Variants in UMAD1 observed in about 807,000 individuals in gnomAD.
UMAD1 encodes UBAP1-MVB12-associated (UMA) domain containing 1.
A neutral mutation model predicts 6.1 loss-of-function variants in UMAD1; 8 were observed. The ratio of observed to expected loss-of-function variants is 1.30; its 90% CI spans 0.76 to 2.35. The LOEUF (loss-of-function observed/expected upper bound fraction) is 2.35, where lower values mean the gene tolerates loss of function less well. Among genes scored for constraint, UMAD1 ranks in the 30% most tolerant of loss-of-function variants. The probability of loss-of-function intolerance (pLI) is 0.00; values close to 1 mark genes in which losing one functional copy is unlikely to be tolerated. For synonymous variants in UMAD1, 56 were observed against 31.4 expected (o/e 1.78, Z -2.61); for missense variants, 130 against 78.4 (o/e 1.66, Z -2.49).
chr7:7,815,405 A>G (rs1783106939), intron 3 of UMAD1, among the ~76,000 whole-genome samples: 1 of 152,196 alleles, frequency 6.6e-6, no homozygotes, highest in Non-Finnish European at 1.5e-5. Context: ...GCCAGAGTAG[A>G]GTAGAATTGA....
intron 2 of UMAD1, among the ~76,000 whole-genome samples, chr7:7,724,418 C>T (rs1781102817): frequency 6.6e-6 from 1 of 152,142 alleles, no homozygotes; most frequent in South Asian, 2.1e-4. Flanking sequence ...TAGTAGCTGG[C>T]AGAACCCCCA....
Position 7,823,947 on chromosome 7 carries a change from A to G in UMAD1, c.156+22204A>G, listed in dbSNP as rs139745128. On this transcript the variant is annotated intron_variant, in intron 3 of 3. Transcript: ENST00000682710. The stretch of plus-strand genomic sequence containing the variant: ...TGCCTAGCAGTATAATCCCAGACAA[A>G]AACCTTTGAAAGAGTGAATTCATAG... Among the ~76,000 whole-genome samples, 941 of 152,250 alleles carry G rather than the reference A, an allele frequency of 6.2e-3. 13 individuals carry two copies. Among genetic ancestry groups the G allele is most frequent in the African/African-American group, 0.022 (895 of 41,554 alleles).
intron 3 of UMAD1, among the ~76,000 whole-genome samples, chr7:7,865,956 C>G (rs2115336542): frequency 6.6e-6 from 1 of 152,304 alleles, no homozygotes; most frequent in Admixed American, 6.5e-5. Context: ...ATTTGTAAAG[C>G]TGTTCATTTG....
intron 2 of UMAD1, among the ~76,000 whole-genome samples, chr7:7,784,817 A>T (rs961242438): frequency 3.3e-5 from 4 of 122,458 alleles, no homozygotes; most frequent in Non-Finnish European, 6.2e-5. Flanking sequence ...GCTGGAGTGC[A>T]GTGGCGCGAT....
chr7:7,673,697 T>G (rs1187962128), intron 2 of UMAD1, among the ~76,000 whole-genome samples: 1 of 110,554 alleles, frequency 9.0e-6, no homozygotes, highest in African/African-American at 3.3e-5. Context: ...GTAAAATCAC[T>G]TCTTTTTCCC....
At chr7:7,816,682 C>T in intron 3 of UMAD1, among the ~76,000 whole-genome samples, 1 of 152,160 alleles carries the variant, frequency 6.6e-6, no homozygotes, top group Non-Finnish European at 1.5e-5. Flanking sequence ...AAGTCAGAAG[C>T]CTGGGAATTA....
intron 2 of UMAD1, among the ~76,000 whole-genome samples, chr7:7,746,836 G>C (rs1180064732): frequency 1.3e-5 from 2 of 152,076 alleles, no homozygotes; most frequent in African/African-American, 4.8e-5. Flanking sequence ...CTTATTATTG[G>C]CTTTGACACA....
At chr7:7,746,923 A>G (rs1563174232) in intron 2 of UMAD1, among the ~76,000 whole-genome samples, 1 of 151,870 alleles carries the variant, frequency 6.6e-6, no homozygotes, top group Non-Finnish European at 1.5e-5. Flanking sequence ...TTTTAAAAAA[A>G]TGTTTATATT....
intron 3 of UMAD1, among the ~76,000 whole-genome samples, chr7:7,861,720 C>G (rs944721886): frequency 6.6e-6 from 1 of 152,152 alleles, no homozygotes; most frequent in Non-Finnish European, 1.5e-5. Context: ...ATATCAAATT[C>G]AAATTACACA....
intron 3 of UMAD1, among the ~76,000 whole-genome samples, chr7:7,827,133 A>G (rs1479895462): frequency 2.2e-4 from 20 of 89,246 alleles, no homozygotes; most frequent in African/African-American, 3.9e-4. Flanking sequence ...ATATATATAT[A>G]TATATATATA....
intron 1 of UMAD1, among the ~76,000 whole-genome samples, chr7:7,665,826 T>G (rs1469849770): frequency 7.0e-6 from 1 of 142,010 alleles, no homozygotes; most frequent in East Asian, 1.9e-4. Flanking sequence ...TCCATCAGCT[T>G]TTTTTTTTTT....
rs547779422 is a variant in UMAD1 at position 7,718,011 on chromosome 7, G to A, written c.82+44558G>A. 2.0e-5 allele frequency among the ~76,000 whole-genome samples: 3 copies of A among 152,294 alleles called. No individual in the cohort carries two copies. The South Asian group carries it at 6.2e-4, about 32-fold the overall frequency. ...AGCTTTTAGAGTTTAGGGAAATCTA[G>A]TTTTTAGAATTGACACAATGATTTT... On this transcript the variant is annotated intron_variant, in intron 2 of 3. Coordinates refer to ENST00000682710, the MANE Select transcript of UMAD1 (RefSeq NM_001302348.2).
rs570202941 is a variant in UMAD1 at position 7,666,954 on chromosome 7, T to A, written c.-63-6355T>A. The stretch of plus-strand genomic sequence containing the variant: ...TCCTGAGTAGCTGGGATTGCAGGCG[T>A]GCGCCACCACATCCAGCTAATTTTT... On this transcript the variant is annotated intron_variant, in intron 1 of 3. Transcript: ENST00000682710. Among the ~76,000 whole-genome samples the A allele has an allele frequency of 2.6e-5, 4 of 152,250 alleles. No homozygotes were observed. In the East Asian group the frequency reaches 7.7e-4, roughly 29 times the overall value.
chr7:7,705,002 G>C (rs915331987), intron 2 of UMAD1, among the ~76,000 whole-genome samples: 12 of 152,112 alleles, frequency 7.9e-5, no homozygotes, highest in Admixed American at 1.3e-4. Flanking sequence ...AAGAGGAAGG[G>C]CGCTGATTGT....
At chr7:7,742,408 C>G in intron 2 of UMAD1, 1 of 584,218 alleles carries the variant, frequency 1.7e-6, no homozygotes, top group South Asian at 1.4e-5. Context: ...TCTTGGGCTG[C>G]TGGAAGGTGG....
chr7:7,801,901 C>T (rs1782807382), intron 3 of UMAD1, among the ~76,000 whole-genome samples, 158 bp downstream of exon 3: 1 of 152,206 alleles, frequency 6.6e-6, no homozygotes, highest in Admixed American at 6.5e-5. Context: ...GAGAGCAGTA[C>T]AGGGAGTGCC....
chr7:7,770,104 GTCAGCCCTAC>G lies in UMAD1; in HGVS notation c.83-31564_83-31555del, dbSNP rs1455579630. On this transcript the variant is annotated intron_variant, in intron 2 of 3. Transcript: ENST00000682710. The stretch of plus-strand genomic sequence containing the variant: ...AAACTGGAACCGCTGTTCTCAGGCA[GTCAGCCCTAC>G]TTATCCCCTCATTTTAAAGTAATAA... Among the ~76,000 whole-genome samples, 3 of 152,124 alleles carry G rather than the reference GTCAGCCCTAC, an allele frequency of 2.0e-5. No individual in the cohort carries two copies. In the East Asian group the frequency reaches 5.8e-4, roughly 29 times the overall value.
chr7:7,645,545 G>A (rs116495138), intron 1 of UMAD1, among the ~76,000 whole-genome samples: 376 of 152,266 alleles, frequency 2.5e-3, no homozygotes, highest in African/African-American at 8.7e-3. Flanking sequence ...CCCGCATTCA[G>A]CTTCCTTTAA....
chr7:7,826,973 A>G (rs1210930582), intron 3 of UMAD1, among the ~76,000 whole-genome samples: 1 of 152,146 alleles, frequency 6.6e-6, no homozygotes, highest in Non-Finnish European at 1.5e-5. Flanking sequence ...ATTCCATAAG[A>G]TGCAGTTACT....
Sources: gnomAD v4.1 joint callset for allele counts (sites outside exome capture counted in the v4.1 genomes callset) on GRCh38, gnomAD v4.1.1 for gene constraint, MANE v1.5 for transcripts, NCBI Gene and HGNC (gene_info 2026-07-23, HGNC 2026-07-21) for gene names.